The following PSD2 variants were observed in gnomAD, a reference collection of about 807,000 sequenced individuals.
PSD2 encodes the protein PH and SEC7 domain-containing protein 2.
Under a neutral mutation model 69.8 loss-of-function variants are expected in PSD2, and 38 were observed. The observed-to-expected ratio is 0.54, with a 90% CI of 0.42 to 0.71. PSD2 has a LOEUF of 0.71. Among genes scored for constraint, PSD2 ranks in the 30% least tolerant of loss-of-function variants. PSD2 has a pLI of 0.00. For synonymous variants in PSD2, 412 were observed against 423.0 expected (o/e 0.97, Z 0.32); for missense variants, 943 against 1,014.5 (o/e 0.93, Z 0.96).
At chr5:139,787,762 G>C in the PSD2 span, among the ~76,000 whole-genome samples, 1 of 152,252 alleles carries the variant, frequency 6.6e-6, no homozygotes, top group Non-Finnish European at 1.5e-5. Flanking sequence ...ACCCGTGCGT[G>C]AACTCCTCTC....
chr5:139,832,685 AC>A (rs1326383782), intron 7 of PSD2, among the ~76,000 whole-genome samples: 3 of 152,232 alleles, frequency 2.0e-5, no homozygotes, highest in African/African-American at 7.2e-5. Flanking sequence ...CTGTAGGTAA[AC>A]CTTGGAAAAC....
chr5:139,762,952 A>T, the PSD2 span, among the ~76,000 whole-genome samples: 5 of 152,024 alleles, frequency 3.3e-5, no homozygotes, highest in Admixed American at 2.0e-4. Flanking sequence ...AGGTAACAGG[A>T]CCCATAAATG....
In PSD2 at chr5:139,839,937, TTGGTGGAGCAGCTCC is replaced by T. The variant is rs1409178094; in HGVS notation, c.1969-85_1969-71del. On this transcript the variant is annotated intron_variant, in intron 13 of 14. Coordinates refer to ENST00000274710, the MANE Select transcript of PSD2 (RefSeq NM_032289.4). The surrounding 1 kb of genome is among the most constrained non-coding windows in gnomAD (Gnocchi z 5.1). Reference sequence around the variant, plus strand: ...ATGCTGGCTAGGCCTTCATTTCCCTTTGGTGGAGCAGCTCCTGGTAGAACAGGATTTGAGCCACTC... The same window carrying T: ...ATGCTGGCTAGGCCTTCATTTCCCTTTGGTAGAACAGGATTTGAGCCACTC... 6.9e-7 allele frequency: 1 copy of T among 1,454,524 alleles called. No homozygotes were observed. Among genetic ancestry groups the T allele is most frequent in the Non-Finnish European group, 9.5e-7 (1 of 1,051,418 alleles). 90.1% of individuals were successfully genotyped at this position (1,454,524 alleles called of 1,614,324 possible).
chr5:139,788,075 G>C, the PSD2 span, among the ~76,000 whole-genome samples: 1 of 152,228 alleles, frequency 6.6e-6, no homozygotes, highest in East Asian at 1.9e-4. Flanking sequence ...GAGCGGGGCT[G>C]CGCTTCGCGG....
Position 139,836,762 on chromosome 5 carries a change from G to A in PSD2, c.1404-49G>A, listed in dbSNP as rs374099446. ...TGGTGGGGAAAGGCCATGACGATGC[G>A]GGGCCGAGGCCTCCCTGGAGGTGGT... is the stretch of plus-strand genomic sequence containing the variant. On this transcript the variant is annotated intron_variant, in intron 9 of 14. Transcript: ENST00000274710. 2.3e-4 allele frequency: 353 copies of A among 1,556,860 alleles called. 1 individual carries two copies. In the African/African-American group the frequency reaches 4.1e-3, roughly 18 times the overall value.
the PSD2 span, among the ~76,000 whole-genome samples, chr5:139,752,313 A>G: frequency 6.6e-6 from 1 of 151,720 alleles, no homozygotes; most frequent in African/African-American, 2.4e-5. Flanking sequence ...CTCTCCCCCT[A>G]CCATAAGAAC....
chr5:139,754,491 G>A, the PSD2 span, among the ~76,000 whole-genome samples: 17 of 151,738 alleles, frequency 1.1e-4, no homozygotes, highest in Non-Finnish European at 1.8e-4. Flanking sequence ...TCAGGAGTTC[G>A]AGCTCCAGCC....
At chr5:139,800,801 G>T (rs1759652131) in intron 1 of PSD2, among the ~76,000 whole-genome samples, 2 of 152,212 alleles carry the variant, frequency 1.3e-5, no homozygotes, top group South Asian at 4.1e-4. Context: ...CTGGCCTCTT[G>T]TGTCTGCTTG....
chr5:139,800,755 C>T (rs566449567), intron 1 of PSD2, among the ~76,000 whole-genome samples: 1 of 152,346 alleles, frequency 6.6e-6, no homozygotes, highest in Admixed American at 6.5e-5. Context: ...TGTTCCTGCT[C>T]CTGGTTAAGG....
chr5:139,836,174 G>A (rs1376294814), intron 9 of PSD2, among the ~76,000 whole-genome samples: 1 of 152,222 alleles, frequency 6.6e-6, no homozygotes, highest in African/African-American at 2.4e-5. Flanking sequence ...GTGGGAAGGG[G>A]AGAGTGCCCT....
chr5:139,837,908 G>A lies in PSD2; in HGVS notation c.1823+126G>A. The A allele has an allele frequency of 3.3e-6, 3 of 901,942 alleles. No individual in the cohort carries two copies. Among genetic ancestry groups the A allele is most frequent in the Admixed American group, 2.9e-5 (1 of 35,044 alleles). 55.9% of individuals were successfully genotyped at this position (901,942 alleles called of 1,614,324 possible). A position where few individuals can be genotyped will look rare whatever the true frequency, so the allele number is the denominator to read the frequency against. On this transcript the variant is annotated intron_variant, in intron 12 of 14. Transcript: ENST00000274710. This position sits in a 1 kb window ranked among gnomAD's most constrained non-coding sequence, Gnocchi z 5.0. ...TGTATCCACATGACACAGACCGACA[G>A]CTGGGTCCCTCCAAAGCAGTGGTTC...
chr5:139,827,786 G>C (rs1023894884), intron 7 of PSD2, among the ~76,000 whole-genome samples: 5 of 152,164 alleles, frequency 3.3e-5, no homozygotes, highest in Non-Finnish European at 7.3e-5. Flanking sequence ...CATCAGATCT[G>C]CTGAGAACTC....
chr5:139,795,573 C>A (rs1016489050), upstream of PSD2, among the ~76,000 whole-genome samples: 7 of 152,102 alleles, frequency 4.6e-5, no homozygotes, highest in African/African-American at 1.2e-4. This position sits in a 1 kb window ranked among gnomAD's most constrained non-coding sequence, Gnocchi z 4.5. Flanking sequence ...CCCCTCCCCC[C>A]CTTTCTTAAA....
At chr5:139,762,842 A>T in the PSD2 span, among the ~76,000 whole-genome samples, 2 of 151,768 alleles carry the variant, frequency 1.3e-5, no homozygotes, top group African/African-American at 2.4e-5. Flanking sequence ...GGCAGCAGAG[A>T]GGGGAGGCAA....
At chr5:139,766,524 G>A in the PSD2 span, among the ~76,000 whole-genome samples, 3 of 152,206 alleles carry the variant, frequency 2.0e-5, no homozygotes, top group African/African-American at 7.2e-5. Context: ...AGAGCAGAAG[G>A]GACCCAGGTT....
intron 1 of PSD2, among the ~76,000 whole-genome samples, chr5:139,799,828 A>G (rs1186870428): frequency 6.6e-6 from 1 of 152,120 alleles, no homozygotes; most frequent in Non-Finnish European, 1.5e-5. Context: ...CAGAACGGAC[A>G]GGCCCTTGTG....
At chr5:139,780,257 G>A in the PSD2 span, among the ~76,000 whole-genome samples, 1 of 152,186 alleles carries the variant, frequency 6.6e-6, no homozygotes, top group Non-Finnish European at 1.5e-5. Context: ...TACCAGTGAA[G>A]GTTACAATGA....
chr5:139,804,646 A>G (rs996414875), intron 1 of PSD2, among the ~76,000 whole-genome samples: 1 of 152,192 alleles, frequency 6.6e-6, no homozygotes, highest in Non-Finnish European at 1.5e-5. Context: ...TCCCTGGGTC[A>G]GCTGTGGTCT....
the PSD2 span, among the ~76,000 whole-genome samples, chr5:139,764,150 G>T: frequency 1.3e-5 from 2 of 152,222 alleles, no homozygotes; most frequent in Non-Finnish European, 2.9e-5. Context: ...GGTGGCTGTT[G>T]TTGGGGTCAC....
Sources: gnomAD v4.1 joint callset for allele counts (sites outside exome capture counted in the v4.1 genomes callset) on GRCh38, gnomAD v4.1.1 for gene constraint, Gnocchi (gnomAD v3.1) non-coding constraint, MANE v1.5 for transcripts, NCBI Gene and HGNC (gene_info 2026-07-23, HGNC 2026-07-21) for gene names.